The following ADCYAP1R1 variants were observed in gnomAD, a reference collection of about 807,000 sequenced individuals.
ADCYAP1R1 encodes the protein pituitary adenylate cyclase-activating polypeptide type I receptor.
Under a neutral mutation model 67.6 loss-of-function variants are expected in ADCYAP1R1, and 44 were observed. That is an observed-to-expected ratio of 0.65 (90% CI 0.51 to 0.84). ADCYAP1R1 has a LOEUF of 0.84. Ranked by LOEUF, ADCYAP1R1 falls within the 40% of genes least tolerant of loss-of-function variation. The pLI is 0.00. For missense variants in ADCYAP1R1, 477 were observed against 587.9 expected, an observed-to-expected ratio of 0.81 and a Z score of 1.95; for synonymous variants, 222 against 219.6, an observed-to-expected ratio of 1.01 and a Z score of -0.10.
intron 7 of ADCYAP1R1, 49 bp downstream of exon 7, chr7:31,084,299 G>A (rs531321471): frequency 1.3e-6 from 2 of 1,526,526 alleles, no homozygotes; most frequent in Admixed American, 1.7e-5. Flanking sequence ...TAGGGCTGAG[G>A]AAATTTAGGT....
At chr7:31,081,837 A>C (rs1169747939) in intron 6 of ADCYAP1R1, 83 bp downstream of exon 6, 1 of 1,171,670 alleles carries the variant, frequency 8.5e-7, no homozygotes, top group Non-Finnish European at 1.2e-6. Context: ...ACCCCATCCC[A>C]GGCTGGGCTC....
intron 12 of ADCYAP1R1, among the ~76,000 whole-genome samples, chr7:31,088,612 A>G (rs763087370): frequency 3.9e-5 from 6 of 152,180 alleles, no homozygotes; most frequent in Non-Finnish European, 7.4e-5. Flanking sequence ...CTACCCTCTC[A>G]ATCCTTTTTA....
At position 31,106,665 on chromosome 7, in the gene ADCYAP1R1, C is replaced by A. The variant is rs1458891870; in HGVS notation, c.1388C>A (p.Ala463Asp). Residue 463 changes from alanine to aspartate, a missense_variant, in exon 16 of 16, where the codon GCT becomes GAT. Coordinates refer to ENST00000304166, the MANE Select transcript of ADCYAP1R1 (RefSeq NM_001118.5). ...CAAATCCGCATGTCTGGCCTCCCTG[C>A]TGACAATCTGGCCACCTGAGCCATG... ...SSQIRMSGLP[A>D]DNLAT is the part of the protein sequence containing the mutation. The A allele has an allele frequency of 1.9e-6, 3 of 1,609,876 alleles. No homozygotes were observed. Among genetic ancestry groups the A allele is most frequent in the Non-Finnish European group, 2.5e-6 (3 of 1,177,876 alleles).
At chr7:31,059,566 G>A (rs1794401550) in intron 1 of ADCYAP1R1, among the ~76,000 whole-genome samples, 2 of 152,188 alleles carry the variant, frequency 1.3e-5, no homozygotes, top group Non-Finnish European at 2.9e-5. Context: ...CTGCAGTGGT[G>A]GGGCTTGGCC....
At chr7:31,080,696 T>C in intron 5 of ADCYAP1R1, 63 bp downstream of exon 5, 4 of 1,562,536 alleles carry the variant, frequency 2.6e-6, no homozygotes, top group Non-Finnish European at 1.8e-6. Flanking sequence ...GAGCCCAGCC[T>C]CAGGAGATCC....
chr7:31,053,158 G>GT (rs1184497775), intron 1 of ADCYAP1R1, among the ~76,000 whole-genome samples: 1 of 151,338 alleles, frequency 6.6e-6, no homozygotes, highest in East Asian at 1.9e-4. Context: ...TCCGCACGGG[G>GT]TTTGAGGGGT....
At chr7:31,067,174 C>T (rs1794771271) in intron 3 of ADCYAP1R1, among the ~76,000 whole-genome samples, 1 of 152,134 alleles carries the variant, frequency 6.6e-6, no homozygotes, top group African/African-American at 2.4e-5. Context: ...CTCCTTTAAC[C>T]CTGTCCAGGT....
chr7:31,103,512 C>A, intron 14 of ADCYAP1R1, 146 bp downstream of exon 14: 1 of 1,118,190 alleles, frequency 8.9e-7, no homozygotes, highest in East Asian at 2.5e-5. Flanking sequence ...TGCTGTCTAC[C>A]CTTAGGGCTC....
At chr7:31,073,518 G>C (rs2128622419) in intron 3 of ADCYAP1R1, among the ~76,000 whole-genome samples, 1 of 152,284 alleles carries the variant, frequency 6.6e-6, no homozygotes, top group South Asian at 2.1e-4. Flanking sequence ...ATCAGTTGCT[G>C]TTTTTAGTTA....
At chr7:31,066,083 G>GC (rs11408437) in intron 3 of ADCYAP1R1, among the ~76,000 whole-genome samples, 152,250 of 152,258 alleles carry the variant, frequency 1, 76,121 homozygotes, top group Middle Eastern at 1. Context: ...GAGGCAGGGG[G>GC]CCAGAAGGGC....
At chr7:31,060,716 A>G (rs1426352604) in intron 1 of ADCYAP1R1, among the ~76,000 whole-genome samples, 1 of 151,884 alleles carries the variant, frequency 6.6e-6, no homozygotes, top group Non-Finnish European at 1.5e-5. Flanking sequence ...GAGAGAGAGA[A>G]AGAGAGAGAA....
intron 13 of ADCYAP1R1, among the ~76,000 whole-genome samples, chr7:31,097,863 G>A (rs1303024395): frequency 1.3e-5 from 2 of 152,114 alleles, no homozygotes; most frequent in African/African-American, 4.8e-5. Context: ...CCAAGCCAAG[G>A]TTGAGGGGTC....
intron 2 of ADCYAP1R1, among the ~76,000 whole-genome samples, chr7:31,064,505 A>G (rs1012720226): frequency 1.3e-5 from 2 of 152,214 alleles, no homozygotes; most frequent in African/African-American, 4.8e-5. Flanking sequence ...CCATACACAC[A>G]CACACATATG....
intron 3 of ADCYAP1R1, among the ~76,000 whole-genome samples, chr7:31,068,234 C>CAT (rs923802391): frequency 1.3e-5 from 2 of 150,242 alleles, no homozygotes; most frequent in Non-Finnish European, 2.9e-5. Flanking sequence ...CACACACACA[C>CAT]ACACGTACAA....
intron 11 of ADCYAP1R1, 64 bp from the exon 12 acceptor site, chr7:31,087,563 T>C: frequency 6.8e-7 from 1 of 1,466,766 alleles, no homozygotes; most frequent in African/African-American, 1.4e-5. Context: ...CAGGGCAGTG[T>C]CCCGCAGGCT....
intron 4 of ADCYAP1R1, among the ~76,000 whole-genome samples, chr7:31,079,495 G>A (rs752125148): frequency 2.0e-5 from 3 of 152,220 alleles, no homozygotes; most frequent in Non-Finnish European, 4.4e-5. Flanking sequence ...TAGAAGGGGC[G>A]AGTTTCCAGG....
Position 31,084,140 on chromosome 7 carries a change from G to C in ADCYAP1R1, c.329-1G>C. ...CTCGCTGAGTTTTCTTTTTGCTGCAGACATGGGAGTGGTGAGCCGGAACTG... is the reference window on the plus strand; with the variant it reads ...CTCGCTGAGTTTTCTTTTTGCTGCACACATGGGAGTGGTGAGCCGGAACTG... On this transcript the variant is annotated splice_acceptor_variant, in intron 6 of 15. Coordinates refer to ENST00000304166, the MANE Select transcript of ADCYAP1R1 (RefSeq NM_001118.5). LOFTEE classifies it high-confidence loss of function. 2 of 1,613,972 alleles carry C rather than the reference G, an allele frequency of 1.2e-6. No individual in the cohort carries two copies. Among genetic ancestry groups the C allele is most frequent in the South Asian group, 2.2e-5 (2 of 91,040 alleles).
At chr7:31,059,050 A>G (rs1794383077) in intron 1 of ADCYAP1R1, among the ~76,000 whole-genome samples, 1 of 152,184 alleles carries the variant, frequency 6.6e-6, no homozygotes. Flanking sequence ...GCCATTAGTA[A>G]ATAAAAGCAC....
rs1469570471 is a variant in ADCYAP1R1 at position 31,102,211 on chromosome 7, G to A, written c.1047-1026G>A. ...GCCTCATGCCTGCTGTCCACCCCGGGGGACTTAGCTGTGCTGGGAGATGGG... is the reference window on the plus strand; with the variant it reads ...GCCTCATGCCTGCTGTCCACCCCGGAGGACTTAGCTGTGCTGGGAGATGGG... On this transcript the variant is annotated intron_variant, in intron 13 of 15. Coordinates refer to ENST00000304166, the MANE Select transcript of ADCYAP1R1 (RefSeq NM_001118.5). The surrounding 1 kb of genome is among the most constrained non-coding windows in gnomAD (Gnocchi z 4.3). Among the ~76,000 whole-genome samples, 7 of 152,230 alleles carry A rather than the reference G, an allele frequency of 4.6e-5. No homozygotes were observed. Among genetic ancestry groups the A allele is most frequent in the African/African-American group, 1.7e-4 (7 of 41,468 alleles).
Sources: gnomAD v4.1 joint callset for allele counts (sites outside exome capture counted in the v4.1 genomes callset) on GRCh38, gnomAD v4.1.1 for gene constraint, Gnocchi (gnomAD v3.1) non-coding constraint, MANE v1.5 for transcripts, NCBI Gene and HGNC (gene_info 2026-07-23, HGNC 2026-07-21) for gene names.